The following CCDC40 variants were observed in gnomAD, a reference collection of about 807,000 sequenced individuals.
CCDC40 encodes coiled-coil domain 40 molecular ruler complex subunit.
Under a neutral mutation model 124.5 loss-of-function variants are expected in CCDC40, and 104 were observed. The observed-to-expected ratio is 0.84, with a 90% CI of 0.71 to 0.98. CCDC40 has a LOEUF of 0.98. Ranked by LOEUF, CCDC40 falls within the 50% of genes least tolerant of loss-of-function variation. The pLI is 0.00. For synonymous variants in CCDC40, 580 were observed against 602.9 expected, an observed-to-expected ratio of 0.96 and a Z score of 0.56; for missense variants, 1,463 against 1,503.9, an observed-to-expected ratio of 0.97 and a Z score of 0.45.
At chr17:80,090,778 A>G in intron 17 of CCDC40, 1 of 1,300,288 alleles carries the variant, frequency 7.7e-7, no homozygotes, top group Non-Finnish European at 9.8e-7. Context: ...CAGTAAGAGC[A>G]GTTCATAAAA....
At chr17:80,098,126 C>T (rs1440818322) in intron 19 of CCDC40, among the ~76,000 whole-genome samples, 1 of 152,170 alleles carries the variant, frequency 6.6e-6, no homozygotes, top group East Asian at 1.9e-4. Flanking sequence ...GGACAGCCCA[C>T]AAAACCACCC....
rs529714840 is a variant in CCDC40, at chr17:80,095,911, C to T, written c.3021+460C>T. Among the ~76,000 whole-genome samples the T allele has an allele frequency of 5.3e-5, 8 of 152,324 alleles. No individual in the cohort carries two copies. In the South Asian group the frequency reaches 8.3e-4, roughly 16 times the overall value. On this transcript the variant is annotated intron_variant, in intron 18 of 19. Coordinates refer to ENST00000397545, the MANE Select transcript of CCDC40 (RefSeq NM_017950.4). ...GGCACCGGGGACCAGCTGATGGGAG[C>T]GGGGTGGGCGCCTCGAGAGCCTGCA...
intron 10 of CCDC40, among the ~76,000 whole-genome samples, chr17:80,075,395 A>C (rs1465532550): frequency 6.7e-6 from 1 of 150,004 alleles, no homozygotes; most frequent in South Asian, 2.1e-4. Context: ...CTCCTGCCTT[A>C]GTCTCCCAAG....
chr17:80,088,022 G>A lies in CCDC40; in HGVS notation c.2631G>A (p.Arg877=), dbSNP rs2038625484. The A allele has an allele frequency of 1.2e-6, 2 of 1,613,446 alleles. No individual in the cohort carries two copies. Among genetic ancestry groups the A allele is most frequent in the East Asian group, 2.2e-5 (1 of 44,868 alleles). Residue 877 remains arginine, a synonymous_variant, in exon 16 of 20, where the codon AGG becomes AGA. Coordinates refer to ENST00000397545, the MANE Select transcript of CCDC40 (RefSeq NM_017950.4). ...CCTCCCCCATGCAGGCCTCTGAGAGGGAGACCATCAAGATGCAGGACAAGC... is the reference window on the plus strand; with the variant it reads ...CCTCCCCCATGCAGGCCTCTGAGAGAGAGACCATCAAGATGCAGGACAAGC... ...EFVRSLKASE[R]ETIKMQDKLN... is the part of the protein sequence containing the mutation.
rs1242487948 is a variant in CCDC40, at chr17:80,056,008, A to AT, written c.1160-2485dup. Among the ~76,000 whole-genome samples the AT allele has an allele frequency of 4.2e-3, 52 of 12,266 alleles. 1 individual carries two copies. Among genetic ancestry groups the AT allele is most frequent in the African/African-American group, 0.018 (46 of 2,566 alleles). 8.0% of individuals were successfully genotyped at this position (12,266 alleles called of 152,430 possible). A position where few individuals can be genotyped will look rare whatever the true frequency, so the allele number is the denominator to read the frequency against. On this transcript the variant is annotated intron_variant, in intron 7 of 19. Transcript: ENST00000397545. Reference sequence around the variant, plus strand: ...TATATATATATATATATATATATATATATATATATTTTTTTTTTTTTTTGG... The same window carrying AT: ...TATATATATATATATATATATATATATTATATATATTTTTTTTTTTTTTTGG...
intron 7 of CCDC40, 40 bp downstream of exon 7, chr17:80,050,323 G>C: frequency 6.6e-7 from 1 of 1,507,042 alleles, no homozygotes; most frequent in Non-Finnish European, 9.0e-7. Flanking sequence ...TCCGGTCCTG[G>C]AGGGTTTCCC....
At chr17:80,091,046 T>C (rs1412937563) in intron 17 of CCDC40, among the ~76,000 whole-genome samples, 2 of 152,188 alleles carry the variant, frequency 1.3e-5, no homozygotes, top group Admixed American at 6.5e-5. Context: ...AGGGCGACTG[T>C]GTCAGCCGCT....
chr17:80,039,717 G>C, intron 2 of CCDC40, 95 bp from the exon 3 acceptor site: 1 of 1,485,548 alleles, frequency 6.7e-7, no homozygotes, highest in Non-Finnish European at 9.1e-7. Flanking sequence ...TATAAATGCA[G>C]TTTTCCCATT....
intron 9 of CCDC40, among the ~76,000 whole-genome samples, chr17:80,062,993 G>C (rs550065783): frequency 6.6e-6 from 1 of 152,160 alleles, no homozygotes; most frequent in African/African-American, 2.4e-5. Flanking sequence ...TCAGGAGTTC[G>C]AGACCAGCCT....
intron 4 of CCDC40, 132 bp downstream of exon 4, chr17:80,047,534 T>C: frequency 1.1e-6 from 1 of 893,648 alleles, no homozygotes. Context: ...AAGAGAAAAA[T>C]CTTATTAACA....
In CCDC40 at chr17:80,038,159, G is replaced by A; in HGVS notation, c.66G>A (p.Glu22=). 6.2e-7 allele frequency: 1 copy of A among 1,610,568 alleles called. No individual in the cohort carries two copies. Among genetic ancestry groups the A allele is most frequent in the Non-Finnish European group, 8.5e-7 (1 of 1,177,084 alleles). ...HPEDGSASEG[E]KEGNNESHMV... ...AAGATGGATCGGCTTCTGAGGGAGA[G>A]AAGGAAGGGAATAATGAAAGCCACA... Residue 22 remains glutamate, a synonymous_variant, in exon 2 of 20, where the codon GAG becomes GAA. Coordinates refer to ENST00000397545, the MANE Select transcript of CCDC40 (RefSeq NM_017950.4).
chr17:80,070,384 CA>C (rs2038158350), intron 10 of CCDC40, among the ~76,000 whole-genome samples: 1 of 152,210 alleles, frequency 6.6e-6, no homozygotes, highest in African/African-American at 2.4e-5. Context: ...CCCTTAAGCC[CA>C]GGAGTTCAAG....
chr17:80,054,675 ATAAAT>A (rs2037692392), intron 7 of CCDC40, among the ~76,000 whole-genome samples: 1 of 152,224 alleles, frequency 6.6e-6, no homozygotes, highest in African/African-American at 2.4e-5. Flanking sequence ...CATTATATTT[ATAAAT>A]TAAAGAATGG....
chr17:80,059,057 A>C, intron 9 of CCDC40, 77 bp downstream of exon 9: 1 of 1,559,658 alleles, frequency 6.4e-7, no homozygotes, highest in Non-Finnish European at 8.8e-7. Flanking sequence ...TGGGTCTACT[A>C]GACTGCACCT....
At chr17:80,062,285 C>T (rs2037920775) in intron 9 of CCDC40, among the ~76,000 whole-genome samples, 2 of 151,970 alleles carry the variant, frequency 1.3e-5, no homozygotes, top group African/African-American at 2.4e-5. Context: ...AAACCTGTCT[C>T]GATATTAATT....
At position 80,058,562 on chromosome 17, in the gene CCDC40, G is replaced by A. The variant is rs370948871; in HGVS notation, c.1228G>A (p.Asp410Asn). Residue 410 changes from aspartate (D) to asparagine (N), a missense_variant, in exon 8 of 20, where the codon GAC becomes AAC. Transcript: ENST00000397545. The surrounding 1 kb of genome is among the most constrained non-coding windows in gnomAD (Gnocchi z 4.2). Reference protein sequence around the residue: ...HLFYMQNIDQDMRDDIRVMTQ... With the variant: ...HLFYMQNIDQNMRDDIRVMTQ... Reference sequence around the variant, plus strand: ...CTTCTACATGCAGAACATCGACCAGGACATGCGTGACGACATCCGCGTGAT... The same window carrying A: ...CTTCTACATGCAGAACATCGACCAGAACATGCGTGACGACATCCGCGTGAT... 67 of 1,614,054 alleles carry A rather than the reference G, an allele frequency of 4.2e-5. No individual in the cohort carries two copies. In the African/African-American group the frequency reaches 6.3e-4, roughly 15 times the overall value.
intron 2 of CCDC40, among the ~76,000 whole-genome samples, chr17:80,039,476 A>G (rs1429980757): frequency 6.6e-6 from 1 of 151,010 alleles, no homozygotes; most frequent in Non-Finnish European, 1.5e-5. Context: ...CAGTGGCACG[A>G]TCTCAGCTCA....
chr17:80,046,115 G>A (rs1486856427), intron 3 of CCDC40, among the ~76,000 whole-genome samples: 5 of 152,084 alleles, frequency 3.3e-5, no homozygotes, highest in Non-Finnish European at 7.3e-5. Flanking sequence ...TTGTTATTTA[G>A]GATGATACAT....
Position 80,058,894 on chromosome 17 carries a change from C to A in CCDC40, c.1354C>A (p.Gln452Lys), listed in dbSNP as rs760026148. The A allele has an allele frequency of 3.1e-6, 5 of 1,614,184 alleles. No individual in the cohort carries two copies. The Admixed American group carries it at 6.7e-5, about 22-fold the overall frequency. Reference protein sequence around the residue: ...YVDQLTTRAQQLEEDIALFEA... With the variant: ...YVDQLTTRAQKLEEDIALFEA... ...GGACCAGCTCACCACTCGAGCCCAG[C>A]AACTGGAAGAAGACATTGCCCTGTT... Residue 452 changes from glutamine to lysine, a missense_variant, in exon 9 of 20, where the codon CAA becomes AAA. Gln to Lys is a moderately conservative substitution (Grantham distance 53, BLOSUM62 1). Coordinates refer to ENST00000397545, the MANE Select transcript of CCDC40 (RefSeq NM_017950.4). This position sits in a 1 kb window ranked among gnomAD's most constrained non-coding sequence, Gnocchi z 4.2.
Sources: gnomAD v4.1 joint callset for allele counts (sites outside exome capture counted in the v4.1 genomes callset) on GRCh38, gnomAD v4.1.1 for gene constraint, Gnocchi (gnomAD v3.1) non-coding constraint, MANE v1.5 for transcripts, NCBI Gene and HGNC (gene_info 2026-07-23, HGNC 2026-07-21) for gene names.